The following ATP8A2 variants were observed in gnomAD, a reference collection of about 807,000 sequenced individuals.
ATP8A2 encodes the protein phospholipid-transporting ATPase IB.
In ATP8A2, 100 loss-of-function variants were observed where a neutral mutation model predicts 165.6. That is an observed-to-expected ratio of 0.60 (90% CI 0.51 to 0.71). ATP8A2 has a LOEUF of 0.71. ATP8A2 is among the 30% of genes least tolerant of loss of function. ATP8A2 has a pLI of 0.00. For synonymous variants in ATP8A2, 543 were observed against 548.8 expected (o/e 0.99, Z 0.15); for missense variants, 1,227 against 1,479.5 (o/e 0.83, Z 2.80).
At chr13:25,808,872 T>A (rs190175074) in intron 27 of ATP8A2, among the ~76,000 whole-genome samples, 25 of 152,298 alleles carry the variant, frequency 1.6e-4, no homozygotes, top group African/African-American at 4.6e-4. Flanking sequence ...CAGAGATTAC[T>A]TGAGAAGCAA....
chr13:25,675,254 C>T (rs984136592), intron 24 of ATP8A2, among the ~76,000 whole-genome samples: 7 of 152,192 alleles, frequency 4.6e-5, no homozygotes, highest in Admixed American at 3.9e-4. Flanking sequence ...CCCGTAATAC[C>T]AGGTGGAGGA....
At chr13:25,463,114 T>C (rs1379990666) in intron 1 of ATP8A2, among the ~76,000 whole-genome samples, 1 of 137,250 alleles carries the variant, frequency 7.3e-6, no homozygotes, top group African/African-American at 2.7e-5. Context: ...TGAAGGTATT[T>C]CTTTCTGAAG....
At chr13:25,844,663 C>G (rs1266863108) in intron 30 of ATP8A2, among the ~76,000 whole-genome samples, 6 of 152,124 alleles carry the variant, frequency 3.9e-5, no homozygotes, top group Admixed American at 2.0e-4. Context: ...CAGAGGGGTG[C>G]CTTCAGGACT....
At chr13:25,850,600 C>T (rs370922989) in intron 30 of ATP8A2, among the ~76,000 whole-genome samples, 3 of 152,080 alleles carry the variant, frequency 2.0e-5, no homozygotes, top group South Asian at 4.1e-4. Flanking sequence ...CAACTATTCC[C>T]GGTTTGGGGT....
chr13:25,524,782 A>G lies in ATP8A2; in HGVS notation c.222-5217A>G, dbSNP rs141342298. On this transcript the variant is annotated intron_variant, in intron 2 of 36. Transcript: ENST00000381655. ...TGTTTCTTTATCCATTCAGCTATAT[A>G]TATCTTTTAATTAGAGAATTAAGTT... Among the ~76,000 whole-genome samples, 4 of 152,126 alleles carry G rather than the reference A, an allele frequency of 2.6e-5. No individual in the cohort carries two copies. The East Asian group carries it at 7.7e-4, about 29-fold the overall frequency.
At chr13:25,893,613 G>A (rs1184217715) in intron 33 of ATP8A2, among the ~76,000 whole-genome samples, 1 of 152,096 alleles carries the variant, frequency 6.6e-6, no homozygotes, top group Non-Finnish European at 1.5e-5. Flanking sequence ...CTAGATCCCT[G>A]AGGAATCGCC....
chr13:25,477,394 G>A (rs1176286498), intron 2 of ATP8A2, among the ~76,000 whole-genome samples: 1 of 152,190 alleles, frequency 6.6e-6, no homozygotes, highest in Non-Finnish European at 1.5e-5. Context: ...AACTCAACCA[G>A]AATTGGAAGA....
intron 2 of ATP8A2, among the ~76,000 whole-genome samples, chr13:25,516,267 C>T (rs1465234998): frequency 6.6e-6 from 1 of 152,046 alleles, no homozygotes; most frequent in Non-Finnish European, 1.5e-5. Context: ...ATGTCCTCCC[C>T]GAGAACCAGT....
intron 35 of ATP8A2, among the ~76,000 whole-genome samples, chr13:26,004,738 C>T (rs1341404440): frequency 2.0e-5 from 3 of 151,984 alleles, no homozygotes; most frequent in African/African-American, 4.8e-5. Flanking sequence ...TTTTCTGCAT[C>T]TATTGAGATG....
At chr13:25,583,112 G>C (rs900536236) in intron 23 of ATP8A2, among the ~76,000 whole-genome samples, 1 of 152,176 alleles carries the variant, frequency 6.6e-6, no homozygotes, top group African/African-American at 2.4e-5. Flanking sequence ...ACTGCTACTA[G>C]AAAATACAAA....
intron 25 of ATP8A2, among the ~76,000 whole-genome samples, chr13:25,737,376 C>G (rs952069900): frequency 6.6e-6 from 1 of 152,234 alleles, no homozygotes; most frequent in Non-Finnish European, 1.5e-5. Context: ...TCAAGTTAAG[C>G]AAACCCTGTC....
chr13:25,961,664 G>C lies in ATP8A2; in HGVS notation c.3272+1G>C. The C allele has an allele frequency of 6.2e-7, 1 of 1,610,850 alleles. No homozygotes were observed. The highest frequency in any genetic ancestry group is 8.5e-7 in the Non-Finnish European group (1 of 1,177,034). On this transcript the variant is annotated splice_donor_variant, in intron 34 of 36. Transcript: ENST00000381655. LOFTEE classifies it high-confidence loss of function. Reference sequence around the variant, plus strand: ...TGATTGAAGATGTGGCATGGAGAGCGTAAGTTTAACAGTGAAGCGGGGACC... The same window carrying C: ...TGATTGAAGATGTGGCATGGAGAGCCTAAGTTTAACAGTGAAGCGGGGACC...
chr13:25,650,390 T>C (rs1455218386), intron 24 of ATP8A2, among the ~76,000 whole-genome samples: 3 of 152,202 alleles, frequency 2.0e-5, no homozygotes, highest in South Asian at 4.1e-4. Flanking sequence ...AGTTTTGTGA[T>C]CTAGGAACTC....
At chr13:25,844,805 A>T (rs1223521116) in intron 30 of ATP8A2, among the ~76,000 whole-genome samples, 2 of 152,142 alleles carry the variant, frequency 1.3e-5, no homozygotes, top group Non-Finnish European at 2.9e-5. Context: ...TACCTTATGG[A>T]TGATGTCACA....
chr13:25,481,889 C>T (rs1157754777), intron 2 of ATP8A2, among the ~76,000 whole-genome samples: 1 of 152,182 alleles, frequency 6.6e-6, no homozygotes, highest in Non-Finnish European at 1.5e-5. Context: ...GTCCCACCCT[C>T]ATGACCTCAT....
intron 33 of ATP8A2, among the ~76,000 whole-genome samples, chr13:25,905,281 A>T (rs1161913354): frequency 6.6e-6 from 1 of 152,118 alleles, no homozygotes; most frequent in Non-Finnish European, 1.5e-5. Flanking sequence ...TTTCTAAGTG[A>T]CATCTCTTAT....
At chr13:25,879,479 C>T (rs915726726) in intron 33 of ATP8A2, among the ~76,000 whole-genome samples, 4 of 152,116 alleles carry the variant, frequency 2.6e-5, no homozygotes, top group African/African-American at 7.2e-5. Context: ...ATGAAAAAGC[C>T]GAAGAACCAG....
At chr13:25,520,088 G>A (rs2037613658) in intron 2 of ATP8A2, among the ~76,000 whole-genome samples, 1 of 152,098 alleles carries the variant, frequency 6.6e-6, no homozygotes, top group Admixed American at 6.6e-5. Flanking sequence ...TAGTCACCCT[G>A]CTGATCTTTC....
intron 24 of ATP8A2, among the ~76,000 whole-genome samples, chr13:25,609,215 A>G (rs2040592393): frequency 6.6e-6 from 1 of 152,078 alleles, no homozygotes; most frequent in South Asian, 2.1e-4. Flanking sequence ...AAGGAAAAAA[A>G]GCAAAAAGAT....
Sources: allele counts gnomAD v4.1 joint callset (sites outside exome capture counted in the v4.1 genomes callset), GRCh38; gene constraint gnomAD v4.1.1; transcripts MANE v1.5; gene names NCBI Gene and HGNC (gene_info 2026-07-23, HGNC 2026-07-21).